The following TTC28 variants were observed in gnomAD, a reference collection of about 807,000 sequenced individuals.
The protein encoded by TTC28 is tetratricopeptide repeat domain 28.
In TTC28, 61 loss-of-function variants were observed where a neutral mutation model predicts 198.0. The ratio of observed to expected loss-of-function variants is 0.31; its 90% confidence interval spans 0.25 to 0.38. The LOEUF is 0.38. Ranked by LOEUF, TTC28 falls within the 10% of genes least tolerant of loss-of-function variation. TTC28 has a pLI of 1.00. For synonymous variants in TTC28, 1,171 were observed against 1,297.8 expected (o/e 0.90, Z 2.10); for missense variants, 2,678 against 3,164.0 (o/e 0.85, Z 3.69).
chr22:28,581,086 G>A (rs2050227601), intron 2 of TTC28, among the ~76,000 whole-genome samples: 1 of 152,152 alleles, frequency 6.6e-6, no homozygotes, highest in Non-Finnish European at 1.5e-5. Flanking sequence ...ATCCCCAAAT[G>A]TTAAGAGGAC....
At chr22:28,027,172 GAC>G (rs375899769) in intron 13 of TTC28, among the ~76,000 whole-genome samples, 3 of 152,084 alleles carry the variant, frequency 2.0e-5, no homozygotes, top group Admixed American at 6.6e-5. Context: ...AACCTCCCCT[GAC>G]ACACACACAG....
chr22:28,571,535 C>A (rs2050059868), intron 2 of TTC28, among the ~76,000 whole-genome samples: 1 of 152,158 alleles, frequency 6.6e-6, no homozygotes, highest in South Asian at 2.1e-4. Context: ...ATTGTGATAA[C>A]CAAGTGCTGA....
intron 5 of TTC28, among the ~76,000 whole-genome samples, chr22:28,275,834 T>C (rs1932385166): frequency 6.6e-6 from 1 of 152,018 alleles, no homozygotes; most frequent in Non-Finnish European, 1.5e-5. Context: ...GTGAGAAGAT[T>C]GTCAATGGGC....
At chr22:28,447,449 C>T (rs1321239284) in intron 2 of TTC28, among the ~76,000 whole-genome samples, 1 of 152,212 alleles carries the variant, frequency 6.6e-6, no homozygotes, top group Non-Finnish European at 1.5e-5. Flanking sequence ...ACAGGCCAAA[C>T]AAAACCTGCC....
At chr22:28,390,159 G>A (rs529181227) in intron 2 of TTC28, among the ~76,000 whole-genome samples, 90 of 152,324 alleles carry the variant, frequency 5.9e-4, no homozygotes, top group Non-Finnish European at 1.2e-3. Context: ...TGTTTTGAGT[G>A]AGAATCTTAA....
chr22:28,339,198 G>A (rs1309489685), intron 2 of TTC28, among the ~76,000 whole-genome samples: 4 of 152,190 alleles, frequency 2.6e-5, no homozygotes, highest in Non-Finnish European at 5.9e-5. Flanking sequence ...GGATGCTGCA[G>A]AACAGCGGAT....
Position 28,324,604 on chromosome 22 carries a change from G to A in TTC28, c.382-17961C>T, listed in dbSNP as rs138902535. Among the ~76,000 whole-genome samples, 1,443 of 152,152 alleles carry A rather than the reference G, an allele frequency of 9.5e-3. 25 individuals are homozygous for A. The highest frequency in any genetic ancestry group is 0.032 in the African/African-American group (1,341 of 41,494). On this transcript the variant is annotated intron_variant, in intron 2 of 22. Transcript: ENST00000397906. ...ATTCAACATACACAAATCAATAAAC[G>A]TAATCCACTACATAACAGAACAAAT... is the stretch of plus-strand genomic sequence containing the variant.
chr22:28,050,485 A>G (rs1264339565), intron 12 of TTC28, among the ~76,000 whole-genome samples: 1 of 152,166 alleles, frequency 6.6e-6, no homozygotes, highest in East Asian at 1.9e-4. Flanking sequence ...ACTAAGAGCC[A>G]AGAAGGTCTC....
At chr22:28,223,963 T>C (rs1928089825) in intron 5 of TTC28, among the ~76,000 whole-genome samples, 1 of 152,224 alleles carries the variant, frequency 6.6e-6, no homozygotes, top group Admixed American at 6.5e-5. Flanking sequence ...TTATATGTTA[T>C]TTCTTTTCAT....
intron 2 of TTC28, among the ~76,000 whole-genome samples, chr22:28,499,406 C>CA (rs1490373354): frequency 6.6e-6 from 1 of 152,114 alleles, no homozygotes; most frequent in Non-Finnish European, 1.5e-5. Context: ...CTTCATTAAA[C>CA]AAGTTTATTG....
At chr22:28,199,383 TTA>T (rs34398046) in intron 5 of TTC28, among the ~76,000 whole-genome samples, 2,637 of 118,162 alleles carry the variant, frequency 0.022, 17 homozygotes, top group African/African-American at 0.034. Flanking sequence ...ACATTAAAAA[TTA>T]TATATATATA....
intron 6 of TTC28, among the ~76,000 whole-genome samples, chr22:28,153,251 T>C (rs529712827): frequency 5.3e-5 from 8 of 152,098 alleles, no homozygotes; most frequent in South Asian, 2.1e-4. Context: ...AGGAATAATA[T>C]ATAACCACCA....
At chr22:28,636,364 T>C (rs1424307931) in intron 1 of TTC28, among the ~76,000 whole-genome samples, 1 of 152,040 alleles carries the variant, frequency 6.6e-6, no homozygotes, top group Non-Finnish European at 1.5e-5. Flanking sequence ...TGACCTCAGG[T>C]GATCCGCCTG....
At chr22:28,018,026 C>T (rs1159804421) in intron 13 of TTC28, among the ~76,000 whole-genome samples, 2 of 152,202 alleles carry the variant, frequency 1.3e-5, no homozygotes, top group African/African-American at 4.8e-5. Flanking sequence ...TGGCCTCTGC[C>T]CCCCTAGATG....
chr22:28,379,470 C>G (rs2046463208), intron 2 of TTC28, among the ~76,000 whole-genome samples: 1 of 152,124 alleles, frequency 6.6e-6, no homozygotes, highest in Admixed American at 6.5e-5. Context: ...ATGGCACACA[C>G]TACAGCATAG....
intron 5 of TTC28, among the ~76,000 whole-genome samples, chr22:28,167,051 C>G (rs983217058): frequency 6.6e-6 from 1 of 152,114 alleles, no homozygotes; most frequent in Non-Finnish European, 1.5e-5. Context: ...CACCTCTACG[C>G]AAAAAAACTA....
Position 28,215,128 on chromosome 22 carries a change from G to A in TTC28, c.934-51529C>T, listed in dbSNP as rs564990042. 2.0e-3 allele frequency among the ~76,000 whole-genome samples: 307 copies of A among 152,262 alleles called. 15 individuals carry two copies. In the South Asian group the frequency reaches 0.061, roughly 30 times the overall value. On this transcript the variant is annotated intron_variant, in intron 5 of 22. Coordinates refer to ENST00000397906, the MANE Select transcript of TTC28 (RefSeq NM_001145418.2). ...TGGGGAACATCACACACCGGGGCCT[G>A]TGGTGGGGTTGGGGGAGGGGAGAGG... is the stretch of plus-strand genomic sequence containing the variant.
At chr22:28,440,059 C>T (rs1013795288) in intron 2 of TTC28, among the ~76,000 whole-genome samples, 1 of 152,224 alleles carries the variant, frequency 6.6e-6, no homozygotes, top group African/African-American at 2.4e-5. Flanking sequence ...CGGTCTCGAA[C>T]TCCTGACCTC....
chr22:28,625,401 T>C (rs1390330754), intron 2 of TTC28, among the ~76,000 whole-genome samples: 1 of 152,226 alleles, frequency 6.6e-6, no homozygotes, highest in East Asian at 1.9e-4. Context: ...ATTGTATTTC[T>C]ATAGATTCTC....
Sources: gnomAD v4.1 joint callset for allele counts (sites outside exome capture counted in the v4.1 genomes callset) on GRCh38, gnomAD v4.1.1 for gene constraint, MANE v1.5 for transcripts, NCBI Gene and HGNC (gene_info 2026-07-23, HGNC 2026-07-21) for gene names.